Variants in TAOK3 observed in about 807,000 individuals in gnomAD.
TAOK3 encodes serine/threonine-protein kinase TAO3.
A neutral mutation model predicts 120.4 loss-of-function variants in TAOK3; 40 were observed. That is an observed-to-expected ratio of 0.33 (90% confidence interval 0.26 to 0.43). TAOK3 has a LOEUF of 0.43. Ranked by LOEUF, TAOK3 falls within the 20% of genes least tolerant of loss-of-function variation. The pLI is 1.00. For synonymous variants in TAOK3, 355 were observed against 387.5 expected, an observed-to-expected ratio of 0.92 and a Z score of 0.99; for missense variants, 821 against 1,112.1, an observed-to-expected ratio of 0.74 and a Z score of 3.72.
intron 1 of TAOK3, among the ~76,000 whole-genome samples, chr12:118,301,327 A>C (rs1344054117): frequency 6.6e-6 from 1 of 152,166 alleles, no homozygotes; most frequent in Non-Finnish European, 1.5e-5. Flanking sequence ...TAAAAACAAA[A>C]CCAAAAACTC....
intron 1 of TAOK3, among the ~76,000 whole-genome samples, chr12:118,354,609 AATTCCCAAGC>A (rs1471921941): frequency 1.3e-5 from 2 of 151,926 alleles, no homozygotes; most frequent in East Asian, 3.9e-4. Flanking sequence ...TAGCTCCCAC[AATTCCCAAGC>A]ATTGTGGGAG....
intron 1 of TAOK3, among the ~76,000 whole-genome samples, chr12:118,280,336 C>T (rs1476824230): frequency 6.6e-6 from 1 of 152,224 alleles, no homozygotes; most frequent in Admixed American, 6.5e-5. Flanking sequence ...GCTGGGATTA[C>T]AGGTGTGAAC....
At position 118,311,595 on chromosome 12, in the gene TAOK3, A is replaced by G. The variant is rs151060230; in HGVS notation, c.-193-44836T>C. Among the ~76,000 whole-genome samples, 1,122 of 150,882 alleles carry G rather than the reference A, an allele frequency of 7.4e-3. 8 individuals carry two copies. Among genetic ancestry groups the G allele is most frequent in the South Asian group, 0.014 (64 of 4,698 alleles). On this transcript the variant is annotated intron_variant, in intron 1 of 20. Coordinates refer to ENST00000392533, the MANE Select transcript of TAOK3 (RefSeq NM_016281.4). ...TCATAGGAATCCCAAGAGACAAAGA[A>G]TAAGTCTCATTTAGAGTTGAATAAT...
intron 5 of TAOK3, among the ~76,000 whole-genome samples, chr12:118,240,974 ATAT>A (rs1293543216): frequency 6.7e-6 from 1 of 149,620 alleles, no homozygotes; most frequent in Non-Finnish European, 1.5e-5. Context: ...TTATAGTTAT[ATAT>A]TATAAATATC....
chr12:118,151,291 A>T, intron 20 of TAOK3, 133 bp from the exon 21 acceptor site: 2 of 53,528 alleles, frequency 3.7e-5, no homozygotes, highest in Non-Finnish European at 6.2e-5. Flanking sequence ...GCGCGCGCGC[A>T]CACACACACA....
Position 118,343,358 on chromosome 12 carries a change from C to T in TAOK3, c.-194+29290G>A, listed in dbSNP as rs181548521. Among the ~76,000 whole-genome samples the T allele has an allele frequency of 4.5e-3, 661 of 148,198 alleles. 2 individuals carry two copies. Among genetic ancestry groups the T allele is most frequent in the Non-Finnish European group, 6.6e-3 (448 of 67,470 alleles). ...GGGAGAATCGCTTGAACCCAGAAGG[C>T]GGAGGTTACAGTGAGCTCAGATTGT... is the stretch of plus-strand genomic sequence containing the variant. On this transcript the variant is annotated intron_variant, in intron 1 of 20. Coordinates refer to ENST00000392533, the MANE Select transcript of TAOK3 (RefSeq NM_016281.4).
At chr12:118,359,685 A>G (rs1384104029) in intron 1 of TAOK3, 1 of 152,228 alleles carries the variant, frequency 6.6e-6, no homozygotes, top group Non-Finnish European at 1.5e-5. Context: ...ACACATTACT[A>G]TCAGTATTGC....
chr12:118,320,813 G>C (rs1305980131), intron 1 of TAOK3, among the ~76,000 whole-genome samples: 1 of 152,098 alleles, frequency 6.6e-6, no homozygotes, highest in Non-Finnish European at 1.5e-5. Flanking sequence ...AATTGAAAAT[G>C]AATCACACTG....
chr12:118,206,597 T>A (rs1459417563), intron 11 of TAOK3, among the ~76,000 whole-genome samples: 1 of 152,108 alleles, frequency 6.6e-6, no homozygotes, highest in Non-Finnish European at 1.5e-5. Context: ...CTCATTGTTT[T>A]TTTTTATTTT....
intron 17 of TAOK3, among the ~76,000 whole-genome samples, chr12:118,166,937 G>A (rs1207691237): frequency 6.6e-6 from 1 of 152,006 alleles, no homozygotes; most frequent in Non-Finnish European, 1.5e-5. Context: ...TCAATGTCCA[G>A]TGTGTTTCAA....
intron 11 of TAOK3, among the ~76,000 whole-genome samples, chr12:118,207,858 T>TCTCACACACACA (rs147799225): frequency 6.9e-6 from 1 of 144,446 alleles, no homozygotes; most frequent in Admixed American, 7.0e-5. Context: ...AGACTCTGTC[T>TCTCACACACACA]CACACACACA....
In TAOK3 at chr12:118,172,444, G is replaced by A. The variant is rs1256550875; in HGVS notation, c.1899+13C>T. On this transcript the variant is annotated intron_variant, in intron 17 of 20. Transcript: ENST00000392533. ...CCTATGTCAATGACAATAGTTACGA[G>A]CGTAATAAATACCTCCCGAATGTTC... 6.2e-7 allele frequency: 1 copy of A among 1,613,598 alleles called. No homozygotes were observed. The highest frequency in any genetic ancestry group is 1.1e-5 in the South Asian group (1 of 91,066).
At chr12:118,258,277 A>G (rs1279738221) in intron 2 of TAOK3, among the ~76,000 whole-genome samples, 1 of 152,186 alleles carries the variant, frequency 6.6e-6, no homozygotes, top group Non-Finnish European at 1.5e-5. Context: ...CCCTCCGCCA[A>G]CAATGCACCT....
At chr12:118,285,191 C>T (rs1446786513) in intron 1 of TAOK3, among the ~76,000 whole-genome samples, 3 of 150,370 alleles carry the variant, frequency 2.0e-5, no homozygotes, top group Non-Finnish European at 3.0e-5. Flanking sequence ...TACAGGTGCA[C>T]GCCACCATAC....
chr12:118,224,221 CTT>C (rs1299086660), intron 9 of TAOK3, among the ~76,000 whole-genome samples: 1 of 152,164 alleles, frequency 6.6e-6, no homozygotes, highest in African/African-American at 2.4e-5. Context: ...GGCCTGTGTT[CTT>C]TTTACTAGGC....
At chr12:118,209,332 G>A (rs1014532579) in intron 11 of TAOK3, among the ~76,000 whole-genome samples, 2 of 152,192 alleles carry the variant, frequency 1.3e-5, no homozygotes, top group African/African-American at 4.8e-5. Context: ...TAGAAGGAGA[G>A]GTACAAAATA....
At chr12:118,243,574 C>T in intron 4 of TAOK3, 58 bp from the exon 5 acceptor site, 2 of 671,518 alleles carry the variant, frequency 3.0e-6, no homozygotes, top group Non-Finnish European at 4.8e-6. Flanking sequence ...AATAGTATTT[C>T]CTATCAAGTA....
intron 1 of TAOK3, among the ~76,000 whole-genome samples, chr12:118,318,099 A>G (rs1053980463): frequency 7.9e-5 from 12 of 152,008 alleles, no homozygotes; most frequent in African/African-American, 2.7e-4. Context: ...ACTTTATACT[A>G]TATACAAACA....
intron 5 of TAOK3, among the ~76,000 whole-genome samples, chr12:118,242,644 G>C (rs1447298019): frequency 6.6e-6 from 1 of 152,172 alleles, no homozygotes; most frequent in Non-Finnish European, 1.5e-5. Context: ...TGGATCACCT[G>C]AGGTCAGGAG....
Sources: gnomAD v4.1 joint callset for allele counts (sites outside exome capture counted in the v4.1 genomes callset) on GRCh38, gnomAD v4.1.1 for gene constraint, MANE v1.5 for transcripts, NCBI Gene and HGNC (gene_info 2026-07-23, HGNC 2026-07-21) for gene names.